The following GALK2 variants were observed in gnomAD, a reference collection of about 807,000 sequenced individuals.
GALK2 encodes the protein N-acetylgalactosamine kinase.
GALK2 carries 36 observed loss-of-function variants against 52.4 expected under a neutral mutation model. The ratio of observed to expected loss-of-function variants is 0.69; its 90% confidence interval spans 0.53 to 0.91. The LOEUF is 0.91. GALK2 is among the 40% of genes least tolerant of loss of function. GALK2 has a pLI of 0.00. For missense variants in GALK2, 579 were observed against 559.1 expected, an observed-to-expected ratio of 1.04 and a Z score of -0.36; for synonymous variants, 176 against 199.1, an observed-to-expected ratio of 0.88 and a Z score of 0.98.
chr15:49,340,577 C>CTAAT (rs1254178133), intron 3 of GALK2, among the ~76,000 whole-genome samples: 1 of 152,110 alleles, frequency 6.6e-6, no homozygotes, highest in Non-Finnish European at 1.5e-5. Flanking sequence ...GCCATCTTGC[C>CTAAT]AGCAAAGTCC....
At position 49,366,649 on chromosome 15, in the gene GALK2, G is replaced by A. The variant is rs895279380; in HGVS notation, c.427-842G>A. ...GGAGCAGGAAGCCCCAGAGCAGGGC[G>A]GCCGTGGCAGGGGACAGCCGCCGCT... On this transcript the variant is annotated intron_variant, in intron 3 of 3. Coordinates refer to the GALK2 transcript ENST00000558399. 2.9e-5 allele frequency: 46 copies of A among 1,563,096 alleles called. No homozygotes were observed. In the Middle Eastern group the frequency reaches 8.1e-4, roughly 27 times the overall value.
intron 9 of GALK2, among the ~76,000 whole-genome samples, chr15:49,322,030 C>T (rs1292233066): frequency 6.6e-6 from 1 of 152,194 alleles, no homozygotes; most frequent in Non-Finnish European, 1.5e-5. Context: ...GCTTTGTGTT[C>T]TCCATTGGCT....
chr15:49,283,525 T>G, intron 6 of GALK2, 41 bp from the exon 7 acceptor site: 1 of 1,515,164 alleles, frequency 6.6e-7, no homozygotes, highest in African/African-American at 1.4e-5. Context: ...TTTTCTGCAT[T>G]CTAATAAATT....
At chr15:49,228,689 T>TATATATATA (rs2090324004) in intron 3 of GALK2, among the ~76,000 whole-genome samples, 1 of 10,960 alleles carries the variant, frequency 9.1e-5, no homozygotes, top group African/African-American at 6.8e-4. Context: ...ATATATATAT[T>TATATATATA]TTTTTTTTTT....
intron 1 of GALK2, among the ~76,000 whole-genome samples, chr15:49,172,378 C>A (rs1251018247): frequency 1.3e-5 from 2 of 152,166 alleles, no homozygotes; most frequent in Non-Finnish European, 2.9e-5. Context: ...TCTTGTTTTT[C>A]ATTTGTGCAC....
intron 9 of GALK2, chr15:49,327,581 T>A (rs1445309739): frequency 1.9e-5 from 3 of 159,720 alleles, no homozygotes; most frequent in African/African-American, 7.2e-5. Context: ...TACATTTCTT[T>A]TACCATTGCC....
chr15:49,231,940 T>G (rs1289166208), intron 3 of GALK2, among the ~76,000 whole-genome samples: 1 of 152,208 alleles, frequency 6.6e-6, no homozygotes, highest in Admixed American at 6.5e-5. Context: ...ATGTGCATGG[T>G]ACAAGCTCCT....
At chr15:49,198,091 C>T (rs980760525) in intron 1 of GALK2, among the ~76,000 whole-genome samples, 10 of 152,176 alleles carry the variant, frequency 6.6e-5, no homozygotes, top group African/African-American at 1.9e-4. Context: ...ATTAAAATTA[C>T]CCAGTGCACT....
intron 5 of GALK2, among the ~76,000 whole-genome samples, chr15:49,249,051 G>GT (rs1457575285): frequency 6.6e-6 from 1 of 151,758 alleles, no homozygotes; most frequent in African/African-American, 2.4e-5. Context: ...TAAGTTAAGT[G>GT]TTACACAGTA....
chr15:49,204,988 A>G (rs1260248917), intron 2 of GALK2, among the ~76,000 whole-genome samples: 1 of 152,214 alleles, frequency 6.6e-6, no homozygotes, highest in Non-Finnish European at 1.5e-5. Flanking sequence ...ACTTAGAATA[A>G]TAGTCTCCAG....
intron 3 of GALK2, among the ~76,000 whole-genome samples, chr15:49,367,134 A>G (rs777338192): frequency 6.6e-6 from 1 of 152,192 alleles, no homozygotes; most frequent in Non-Finnish European, 1.5e-5. Flanking sequence ...AATTCTGACA[A>G]ATGTTTGAAA....
At chr15:49,298,055 A>G (rs1443068574) in intron 8 of GALK2, among the ~76,000 whole-genome samples, 1 of 152,114 alleles carries the variant, frequency 6.6e-6, no homozygotes, top group African/African-American at 2.4e-5. Context: ...ATGAGCATGG[A>G]AAGTTTTCCC....
chr15:49,181,320 G>T (rs1595904713), intron 1 of GALK2, among the ~76,000 whole-genome samples: 1 of 151,430 alleles, frequency 6.6e-6, no homozygotes. Flanking sequence ...TGTTGCCCAG[G>T]CTGGTCTGGA....
At chr15:49,196,496 A>G (rs990005310) in intron 1 of GALK2, among the ~76,000 whole-genome samples, 2 of 152,116 alleles carry the variant, frequency 1.3e-5, no homozygotes, top group Non-Finnish European at 2.9e-5. Flanking sequence ...TTTCTACTTT[A>G]TGGAATTTAC....
intron 8 of GALK2, 66 bp downstream of exon 8, chr15:49,292,603 C>A: frequency 1.5e-6 from 2 of 1,308,150 alleles, no homozygotes; most frequent in Non-Finnish European, 1.1e-6. Context: ...GTTTCAATTT[C>A]TCCACTGGTT....
At chr15:49,293,625 A>G (rs2034159142) in intron 8 of GALK2, among the ~76,000 whole-genome samples, 1 of 152,236 alleles carries the variant, frequency 6.6e-6, no homozygotes. Context: ...TCGTTCCAGA[A>G]AGGCAGTAGA....
At chr15:49,283,837 A>C in intron 7 of GALK2, 119 bp downstream of exon 7, 2 of 959,892 alleles carry the variant, frequency 2.1e-6, no homozygotes, top group Middle Eastern at 4.5e-4. Context: ...ACTGCACAGC[A>C]TTCCAACTGA....
At chr15:49,298,553 A>T (rs140249479) in intron 8 of GALK2, among the ~76,000 whole-genome samples, 1 of 152,240 alleles carries the variant, frequency 6.6e-6, no homozygotes, top group African/African-American at 2.4e-5. Flanking sequence ...TGGGTTTGTT[A>T]TAGATGGCTC....
In GALK2 at chr15:49,260,266, C is replaced by T. The variant is rs530808977; in HGVS notation, c.504+20899C>T. Reference sequence around the variant, plus strand: ...TGTTGTTTCCTGACTTTTTAATGATCGCCATTCTAACTGGTGTGAGATGGT... The same window carrying T: ...TGTTGTTTCCTGACTTTTTAATGATTGCCATTCTAACTGGTGTGAGATGGT... On this transcript the variant is annotated intron_variant, in intron 5 of 9. Coordinates refer to ENST00000560031, the MANE Select transcript of GALK2 (RefSeq NM_002044.4). Among the ~76,000 whole-genome samples the T allele has an allele frequency of 5.4e-4, 82 of 152,142 alleles. No individual in the cohort carries two copies. The East Asian group carries it at 9.9e-3, about 18-fold the overall frequency.
Sources: allele counts gnomAD v4.1 joint callset (sites outside exome capture counted in the v4.1 genomes callset), GRCh38; gene constraint gnomAD v4.1.1; transcripts MANE v1.5; gene names NCBI Gene and HGNC (gene_info 2026-07-23, HGNC 2026-07-21).